The following HOXC10 variants were observed in gnomAD, a reference collection of about 807,000 sequenced individuals.
HOXC10 encodes the protein homeobox protein Hox-C10.
Under a neutral mutation model 26.0 loss-of-function variants are expected in HOXC10, and 15 were observed. The observed-to-expected ratio is 0.58, with a 90% confidence interval of 0.39 to 0.89. The LOEUF is 0.89. HOXC10 is among the 40% of genes least tolerant of loss of function. The probability of loss-of-function intolerance (pLI) is 0.00; values close to 1 mark genes in which losing one functional copy is unlikely to be tolerated. For synonymous variants in HOXC10, 196 were observed against 185.5 expected, an observed-to-expected ratio of 1.06 and a Z score of -0.46; for missense variants, 446 against 451.9, an observed-to-expected ratio of 0.99 and a Z score of 0.12.
rs1565718794 is a variant in HOXC10 at position 53,985,452 on chromosome 12, GC to G, written c.196del (p.Leu66SerfsTer131). ...KRDEGSSPSL[A>X]LNTYPSYLSQ... is the part of the protein sequence containing the mutation. ...GGACGAGGGCAGCAGCCCCAGCCTCGCCCTCAACACCTATCCGTCCTACCTC... is the reference window on the plus strand; with the variant it reads ...GGACGAGGGCAGCAGCCCCAGCCTCGCCTCAACACCTATCCGTCCTACCTC... On this transcript the variant is annotated frameshift_variant, in exon 1 of 2. Coordinates refer to ENST00000303460, the MANE Select transcript of HOXC10 (RefSeq NM_017409.4). LOFTEE classifies it high-confidence loss of function. 1 of 1,612,740 alleles carries G rather than the reference GC, an allele frequency of 6.2e-7. No individual in the cohort carries two copies. Among genetic ancestry groups the G allele is most frequent in the Non-Finnish European group, 8.5e-7 (1 of 1,179,382 alleles).
intron 1 of HOXC10, among the ~76,000 whole-genome samples, chr12:53,988,105 G>C (rs1314081625): frequency 2.0e-5 from 3 of 152,122 alleles, no homozygotes; most frequent in Non-Finnish European, 4.4e-5. Context: ...TCCTTTGCTG[G>C]GTGTCCTCTC....
At chr12:53,986,213 T>C (rs1473932252) in intron 1 of HOXC10, 2 of 594,504 alleles carry the variant, frequency 3.4e-6, no homozygotes, top group African/African-American at 1.9e-5. Context: ...GACGTGGAGG[T>C]GTCGGCCCTG....
Position 53,985,154 on chromosome 12 carries a change from T to G in HOXC10, c.-106T>G. Reference sequence around the variant, plus strand: ...CTGATATTTCCCCCCCTCCCCTTCTTTTTCCTCCCTCCCCTCCAACCGCGC... The same window carrying G: ...CTGATATTTCCCCCCCTCCCCTTCTGTTTCCTCCCTCCCCTCCAACCGCGC... On this transcript the variant is annotated 5_prime_UTR_variant, in exon 1 of 2. Transcript: ENST00000303460. 3 of 550,760 alleles carry G rather than the reference T, an allele frequency of 5.4e-6. No individual in the cohort carries two copies. Among genetic ancestry groups the G allele is most frequent in the Non-Finnish European group, 5.5e-6 (2 of 364,840 alleles). 34.1% of individuals were successfully genotyped at this position (550,760 alleles called of 1,614,324 possible).
intron 1 of HOXC10, chr12:53,986,315 C>A: frequency 3.6e-6 from 1 of 277,472 alleles, no homozygotes; most frequent in South Asian, 9.9e-5. Context: ...TGCTCCCAGG[C>A]GCGTGCTGGC....
Position 53,985,759 on chromosome 12 carries a change from C to T in HOXC10, c.500C>T (p.Ala167Val). The T allele has an allele frequency of 6.2e-7, 1 of 1,613,678 alleles. No individual in the cohort carries two copies. The highest frequency in any genetic ancestry group is 8.5e-7 in the Non-Finnish European group (1 of 1,179,972). ...ALDKTPHCSG[A>V]NDFEAPFEQR... ...GACAAGACGCCCCACTGTTCTGGGG[C>T]CAACGACTTCGAAGCCCCTTTCGAG... The change falls in exon 1 of 2, where the codon GCC becomes GTC. Residue 167 changes from alanine (A) to valine (V), a missense_variant. Coordinates refer to ENST00000303460, the MANE Select transcript of HOXC10 (RefSeq NM_017409.4).
Position 53,985,434 on chromosome 12 carries a change from G to C in HOXC10, c.175G>C (p.Gly59Arg). Residue 59 changes from glycine (G) to arginine (R), a missense_variant, in exon 1 of 2, where the codon GGC (glycine) becomes CGC (arginine). Coordinates refer to ENST00000303460, the MANE Select transcript of HOXC10 (RefSeq NM_017409.4). ...GCCCTCGCTCTCCAAGAGGGACGAG[G>C]GCAGCAGCCCCAGCCTCGCCCTCAA... is the stretch of plus-strand genomic sequence containing the variant. The part of the protein sequence containing the change: ...LAPSLSKRDE[G>R]SSPSLALNTY... 6.2e-7 allele frequency: 1 copy of C among 1,612,542 alleles called. No homozygotes were observed. Among genetic ancestry groups the C allele is most frequent in the Non-Finnish European group, 8.5e-7 (1 of 1,179,770 alleles).
Position 53,989,335 on chromosome 12 carries a change from C to A in HOXC10, c.918C>A (p.Asn306Lys). The change falls in exon 2 of 2, where the codon AAC (asparagine) becomes AAA (lysine). Residue 306 changes from asparagine (N) to lysine (K), a missense_variant. Coordinates refer to ENST00000303460, the MANE Select transcript of HOXC10 (RefSeq NM_017409.4). ...ERRLEISKTI[N>K]LTDRQVKIWF... ...GCCTGGAGATTAGCAAGACCATTAA[C>A]CTTACAGACAGACAAGTCAAAATCT... is the stretch of plus-strand genomic sequence containing the variant. 2 of 1,614,166 alleles carry A rather than the reference C, an allele frequency of 1.2e-6. No homozygotes were observed. Among genetic ancestry groups the A allele is most frequent in the Non-Finnish European group, 1.7e-6 (2 of 1,180,012 alleles).
Position 53,986,005 on chromosome 12 carries a change from C to A in HOXC10, c.746C>A (p.Ala249Glu), listed in dbSNP as rs776389628. Reference sequence around the variant, plus strand: ...AGCCCAGACACCTCGGATAACGAAGCGAAAGGTAAGGCCGCCTGGGCCGCG... The same window carrying A: ...AGCCCAGACACCTCGGATAACGAAGAGAAAGGTAAGGCCGCCTGGGCCGCG... The part of the protein sequence containing the change: ...DSSPDTSDNE[A>E]KEEIKAENTT... The change falls in exon 1 of 2, where the codon GCG becomes GAG. Residue 249 changes from alanine (A) to glutamate (E), a missense_variant. By Grantham distance (107) the Ala-to-Glu change is moderately radical. Transcript: ENST00000303460. 3 of 1,560,034 alleles carry A rather than the reference C, an allele frequency of 1.9e-6. No homozygotes were observed. Among genetic ancestry groups the A allele is most frequent in the South Asian group, 1.2e-5 (1 of 83,450 alleles).
rs1300197151 is a variant in HOXC10 at position 53,989,513 on chromosome 12, T to C, written c.*67T>C. The C allele has an allele frequency of 3.4e-6, 5 of 1,474,604 alleles. No homozygotes were observed. The highest frequency in any genetic ancestry group is 3.6e-6 in the Non-Finnish European group (4 of 1,100,382). 91.3% of individuals were successfully genotyped at this position (1,474,604 alleles called of 1,614,324 possible). A position where few individuals can be genotyped will look rare whatever the true frequency, so the allele number is the denominator to read the frequency against. On this transcript the variant is annotated 3_prime_UTR_variant, in exon 2 of 2. Coordinates refer to ENST00000303460, the MANE Select transcript of HOXC10 (RefSeq NM_017409.4). ...CCGCCCCTCCTCCCTTTGTGCCTGG[T>C]GATATATTTTTTTTTCCTCCCTGAG...
rs1939423210 is a variant in HOXC10 at position 53,985,797 on chromosome 12, C to T, written c.538C>T (p.Leu180Phe). 6 of 1,613,692 alleles carry T rather than the reference C, an allele frequency of 3.7e-6. No individual in the cohort carries two copies. The highest frequency in any genetic ancestry group is 5.1e-6 in the Non-Finnish European group (6 of 1,180,034). ...AGCCCCTTTCGAGCAGCGGGCCAGT[C>T]TCAACCCGCGCGCCGAACATCTGGA... is the stretch of plus-strand genomic sequence containing the variant. ...FEAPFEQRAS[L>F]NPRAEHLESP... The change falls in exon 1 of 2, where the codon CTC becomes TTC. Residue 180 changes from leucine to phenylalanine, a missense_variant. Physicochemically the swap from Leu to Phe is conservative, Grantham distance 22. Transcript: ENST00000303460.
rs370825874 is a variant in HOXC10, at chr12:53,985,452, G to A, written c.193G>A (p.Ala65Thr). The A allele has an allele frequency of 1.4e-5, 22 of 1,612,622 alleles. No individual in the cohort carries two copies. The Admixed American group carries it at 3.7e-4, about 27-fold the overall frequency. ...KRDEGSSPSL[A>T]LNTYPSYLSQ... ...GGACGAGGGCAGCAGCCCCAGCCTC[G>A]CCCTCAACACCTATCCGTCCTACCT... Residue 65 changes from alanine to threonine, a missense_variant, in exon 1 of 2, where the codon GCC becomes ACC. By Grantham distance (58) the Ala-to-Thr change is moderately conservative (BLOSUM62 0). Transcript: ENST00000303460.
rs1270823565 is a variant in HOXC10 at position 53,985,933 on chromosome 12, G to A, written c.674G>A (p.Gly225Glu). The A allele has an allele frequency of 6.2e-7, 1 of 1,612,670 alleles. No individual in the cohort carries two copies. The highest frequency in any genetic ancestry group is 8.5e-7 in the Non-Finnish European group (1 of 1,179,520). Residue 225 changes from glycine (G) to glutamate (E), a missense_variant, in exon 1 of 2, where the codon GGG (glycine) becomes GAG (glutamate). Transcript: ENST00000303460. ...GAGCAGAGCCTGGCGGGCCCTAAAG[G>A]GAGCCCCTCGGAGAGCGAAAAGGAG... Reference protein sequence around the residue: ...KTEQSLAGPKGSPSESEKERA... With the variant: ...KTEQSLAGPKESPSESEKERA...
chr12:53,988,771 G>A (rs1248121926), intron 1 of HOXC10, among the ~76,000 whole-genome samples: 1 of 152,214 alleles, frequency 6.6e-6, no homozygotes, highest in Non-Finnish European at 1.5e-5. Flanking sequence ...GCTCTGGTCT[G>A]GGGCCTGGAA....
intron 1 of HOXC10, among the ~76,000 whole-genome samples, chr12:53,988,801 G>T (rs534296775): frequency 1.7e-4 from 26 of 152,208 alleles, no homozygotes; most frequent in Non-Finnish European, 3.4e-4. Context: ...CCATCTGGTT[G>T]GATTTTTCCA....
intron 1 of HOXC10, among the ~76,000 whole-genome samples, chr12:53,986,961 G>A (rs983693440): frequency 2.6e-5 from 4 of 152,022 alleles, no homozygotes; most frequent in Non-Finnish European, 5.9e-5. Context: ...TCTGATACTT[G>A]GGGAAAGAAT....
In HOXC10 at chr12:53,989,804, G is replaced by C; in HGVS notation, c.*358G>C. 4.4e-6 allele frequency: 1 copy of C among 226,068 alleles called. No individual in the cohort carries two copies. The highest frequency in any genetic ancestry group is 1.2e-4 in the South Asian group (1 of 8,192). The allele number at this position is 226,068 out of a possible 1,614,324, so 14.0% of individuals were successfully genotyped here. A position where few individuals can be genotyped will look rare whatever the true frequency, so the allele number is the denominator to read the frequency against. ...CCATCCGCTTGTAGGGGAAAAAAAGGAAAAAAATTAACCAGAGAGGGTCTG... is the reference window on the plus strand; with the variant it reads ...CCATCCGCTTGTAGGGGAAAAAAAGCAAAAAAATTAACCAGAGAGGGTCTG... On this transcript the variant is annotated 3_prime_UTR_variant, in exon 2 of 2. Coordinates refer to ENST00000303460, the MANE Select transcript of HOXC10 (RefSeq NM_017409.4).
chr12:53,989,436 A>G lies in HOXC10; in HGVS notation c.1019A>G (p.Asn340Ser), dbSNP rs141068564. ...NRIRELTSNF[N>S]FT ...ATCCGGGAACTGACCTCCAATTTTA[A>G]TTTCACCTGAGAGCGCGGCCTCTCC... is the stretch of plus-strand genomic sequence containing the variant. The change falls in exon 2 of 2, where the codon AAT becomes AGT. Residue 340 changes from asparagine (N) to serine (S), a missense_variant. Transcript: ENST00000303460. The G allele has an allele frequency of 1.2e-6, 2 of 1,612,232 alleles. No homozygotes were observed. Among genetic ancestry groups the G allele is most frequent in the Non-Finnish European group, 1.7e-6 (2 of 1,178,934 alleles).
At chr12:53,987,171 G>A (rs1254794877) in intron 1 of HOXC10, among the ~76,000 whole-genome samples, 2 of 152,222 alleles carry the variant, frequency 1.3e-5, no homozygotes, top group Non-Finnish European at 2.9e-5. Flanking sequence ...CAGGCTGGGG[G>A]CGGCCTGGAT....
intron 1 of HOXC10, 141 bp from the exon 2 acceptor site, chr12:53,989,028 G>A (rs1939476817): frequency 3.1e-6 from 2 of 640,950 alleles, no homozygotes; most frequent in East Asian, 5.8e-5. Context: ...AGCCTAAGAG[G>A]AGCCCACCGC....
Sources: gnomAD v4.1 joint callset for allele counts (sites outside exome capture counted in the v4.1 genomes callset) on GRCh38, gnomAD v4.1.1 for gene constraint, MANE v1.5 for transcripts, NCBI Gene and HGNC (gene_info 2026-07-23, HGNC 2026-07-21) for gene names.